The following PLXDC2 variants were observed in gnomAD, a reference collection of about 807,000 sequenced individuals.
PLXDC2 encodes the protein plexin domain-containing protein 2.
PLXDC2 carries 40 observed loss-of-function variants against 68.9 expected under a neutral mutation model. That is an observed-to-expected ratio of 0.58 (90% confidence interval 0.45 to 0.76). PLXDC2 has a LOEUF of 0.76. Ranked by LOEUF, PLXDC2 falls within the 30% of genes least tolerant of loss-of-function variation. PLXDC2 has a pLI of 0.00. For missense variants in PLXDC2, 644 were observed against 661.9 expected (o/e 0.97, Z 0.30); for synonymous variants, 243 against 234.2 (o/e 1.04, Z -0.34).
intron 9 of PLXDC2, among the ~76,000 whole-genome samples, chr10:20,201,915 G>A (rs1375073490): frequency 2.0e-5 from 3 of 152,062 alleles, no homozygotes; most frequent in Admixed American, 6.6e-5. Flanking sequence ...GAGGTTGAAC[G>A]TAAAACTAAA....
At position 20,020,178 on chromosome 10, in the gene PLXDC2, A is replaced by ATT. The variant is rs71388889; in HGVS notation, c.324+18213_324+18214dup. On this transcript the variant is annotated intron_variant, in intron 2 of 13. Coordinates refer to ENST00000377252, the MANE Select transcript of PLXDC2 (RefSeq NM_032812.9). ...AAACACATGCCACCACACCCAGCAA[A>ATT]TTTTTTTTTTTTTTTTTTTTTTGTA... Among the ~76,000 whole-genome samples, 38 of 107,332 alleles carry ATT rather than the reference A, an allele frequency of 3.5e-4. No individual in the cohort carries two copies. In the East Asian group the frequency reaches 4.0e-3, roughly 11 times the overall value. The allele number at this position is 107,332 out of a possible 152,430, so 70.4% of individuals were successfully genotyped here.
intron 12 of PLXDC2, among the ~76,000 whole-genome samples, chr10:20,220,089 A>G (rs538366363): frequency 1.3e-5 from 2 of 152,260 alleles, no homozygotes; most frequent in Admixed American, 1.3e-4. Flanking sequence ...GTTCATAAAT[A>G]CCATTATTGT....
chr10:19,986,177 G>A (rs994977468), intron 1 of PLXDC2, among the ~76,000 whole-genome samples: 2 of 152,130 alleles, frequency 1.3e-5, no homozygotes, highest in African/African-American at 4.8e-5. Flanking sequence ...ATTTTGCAGA[G>A]CACTCTGAAA....
intron 6 of PLXDC2, among the ~76,000 whole-genome samples, chr10:20,162,289 C>T (rs909264593): frequency 2.0e-5 from 3 of 152,118 alleles, no homozygotes; most frequent in Non-Finnish European, 4.4e-5. Context: ...CTGACATAAA[C>T]ATGTACTATA....
At chr10:20,153,268 A>G (rs1420086327) in intron 6 of PLXDC2, among the ~76,000 whole-genome samples, 1 of 152,222 alleles carries the variant, frequency 6.6e-6, no homozygotes, top group African/African-American at 2.4e-5. Context: ...CCATTGAACC[A>G]TTCAGTCATG....
At chr10:20,001,484 G>A (rs1160558837) in intron 1 of PLXDC2, among the ~76,000 whole-genome samples, 1 of 152,104 alleles carries the variant, frequency 6.6e-6, no homozygotes, top group Non-Finnish European at 1.5e-5. Context: ...TGTGGAGGGG[G>A]CAAGGGAAGG....
intron 2 of PLXDC2, among the ~76,000 whole-genome samples, chr10:20,040,404 T>G (rs1408462295): frequency 1.3e-5 from 2 of 152,192 alleles, no homozygotes; most frequent in African/African-American, 2.4e-5. Flanking sequence ...CTAATACCAT[T>G]TTTTGTACAT....
intron 1 of PLXDC2, among the ~76,000 whole-genome samples, chr10:19,885,399 T>A (rs962921470): frequency 2.0e-5 from 3 of 152,158 alleles, no homozygotes; most frequent in African/African-American, 7.2e-5. Flanking sequence ...TGCCATTGCT[T>A]TTGGTGTTTT....
rs551760823 is a variant in PLXDC2, at chr10:19,890,321, G to A, written c.112+73130G>A. Among the ~76,000 whole-genome samples, 3 of 152,164 alleles carry A rather than the reference G, an allele frequency of 2.0e-5. No homozygotes were observed. In the East Asian group the frequency reaches 5.8e-4, roughly 29 times the overall value. On this transcript the variant is annotated intron_variant, in intron 1 of 13. Transcript: ENST00000377252. ...TGGATGTACTGTGTGTGATGCTGAG[G>A]TTTCGGGTATGAATCATCCCATCAC...
intron 1 of PLXDC2, among the ~76,000 whole-genome samples, chr10:19,997,360 A>G (rs1274103749): frequency 6.6e-6 from 1 of 152,208 alleles, no homozygotes; most frequent in Non-Finnish European, 1.5e-5. Flanking sequence ...TATCCAGCCA[A>G]TCTGCTTTCA....
chr10:19,991,044 C>T (rs976832817), intron 1 of PLXDC2, among the ~76,000 whole-genome samples: 6 of 152,026 alleles, frequency 3.9e-5, no homozygotes, highest in Middle Eastern at 3.4e-3. Context: ...GTCAGGAGTT[C>T]GAGACCAGCC....
Position 20,249,482 on chromosome 10 carries a change from C to T in PLXDC2, c.1473+3977C>T, listed in dbSNP as rs564552696. ...ATAATCGTTTCCTTGCCATTTTCAGCTTCCACATGCCGCATGTGTTCCTTG... is the reference window on the plus strand; with the variant it reads ...ATAATCGTTTCCTTGCCATTTTCAGTTTCCACATGCCGCATGTGTTCCTTG... On this transcript the variant is annotated intron_variant, in intron 13 of 13. Transcript: ENST00000377252. Among the ~76,000 whole-genome samples, 7 of 152,304 alleles carry T rather than the reference C, an allele frequency of 4.6e-5. 1 individual carries two copies. The highest frequency in any genetic ancestry group is 1.7e-4 in the African/African-American group (7 of 41,566).
intron 1 of PLXDC2, among the ~76,000 whole-genome samples, chr10:19,943,517 G>A (rs1406922500): frequency 1.3e-5 from 2 of 152,196 alleles, no homozygotes; most frequent in African/African-American, 2.4e-5. Flanking sequence ...TAGCACATAA[G>A]CATAACCATA....
chr10:20,174,019 G>A (rs1371496490), intron 7 of PLXDC2, among the ~76,000 whole-genome samples: 2 of 152,038 alleles, frequency 1.3e-5, no homozygotes, highest in Non-Finnish European at 2.9e-5. Flanking sequence ...TACTCCATAC[G>A]CACGATCAAT....
chr10:19,860,011 T>A (rs112598483), intron 1 of PLXDC2, among the ~76,000 whole-genome samples: 1 of 152,318 alleles, frequency 6.6e-6, no homozygotes, highest in African/African-American at 2.4e-5. Flanking sequence ...ATTACAGACG[T>A]GAGCCACTGT....
intron 2 of PLXDC2, among the ~76,000 whole-genome samples, chr10:20,031,347 G>A (rs916397319): frequency 2.6e-5 from 4 of 152,020 alleles, no homozygotes; most frequent in Non-Finnish European, 4.4e-5. Context: ...TCCAGCCTGG[G>A]CGACAGAGCA....
intron 1 of PLXDC2, among the ~76,000 whole-genome samples, chr10:19,985,670 G>A (rs527543656): frequency 1.3e-4 from 20 of 152,112 alleles, no homozygotes; most frequent in South Asian, 2.1e-4. Flanking sequence ...TGTGATAGCC[G>A]GATATCTTCA....
chr10:20,081,928 C>A (rs2131721442), intron 4 of PLXDC2, among the ~76,000 whole-genome samples: 1 of 151,314 alleles, frequency 6.6e-6, no homozygotes, highest in South Asian at 2.1e-4. Context: ...GCCTGTAGTG[C>A]CAGGTACTTG....
intron 13 of PLXDC2, among the ~76,000 whole-genome samples, chr10:20,248,468 G>A (rs1443482297): frequency 1.3e-5 from 2 of 152,196 alleles, no homozygotes; most frequent in Non-Finnish European, 2.9e-5. Flanking sequence ...AAGAGTCATA[G>A]TTCTAAGAAT....
Sources: allele counts gnomAD v4.1 joint callset (sites outside exome capture counted in the v4.1 genomes callset), GRCh38; gene constraint gnomAD v4.1.1; transcripts MANE v1.5; gene names NCBI Gene and HGNC (gene_info 2026-07-23, HGNC 2026-07-21).